FUT8: variants seen among roughly 807,000 people sequenced by gnomAD.
FUT8 encodes the protein alpha-(1,6)-fucosyltransferase.
In FUT8, 29 loss-of-function variants were observed where a neutral mutation model predicts 71.3. That is an observed-to-expected ratio of 0.41 (90% CI 0.30 to 0.55). The LOEUF is 0.55. Ranked by LOEUF, FUT8 falls within the 20% of genes least tolerant of loss-of-function variation. The pLI is 0.34. For synonymous variants in FUT8, 254 were observed against 239.3 expected (o/e 1.06, Z -0.57); for missense variants, 544 against 702.1 (o/e 0.77, Z 2.55).
Position 65,412,893 on chromosome 14 carries a change from C to T in FUT8, c.-647C>T, listed in dbSNP as rs369147598. ...CCCCCGCCGCCTGGCCCCAGCCGAC[C>T]CGTCCCTTCGTCTCCCCGCGGAATG... On this transcript the variant is annotated 5_prime_UTR_variant, in exon 1 of 11. Coordinates refer to ENST00000673929, the MANE Select transcript of FUT8 (RefSeq NM_001371533.1). 38 of 157,382 alleles carry T rather than the reference C, an allele frequency of 2.4e-4. No homozygotes were observed. In the South Asian group the frequency reaches 5.0e-3, roughly 21 times the overall value. The allele number at this position is 157,382 out of a possible 1,614,324, so 9.7% of individuals were successfully genotyped here. A position where few individuals can be genotyped will look rare whatever the true frequency, so the allele number is the denominator to read the frequency against.
At chr14:65,709,494 G>T (rs533975093) in intron 7 of FUT8, among the ~76,000 whole-genome samples, 7 of 152,260 alleles carry the variant, frequency 4.6e-5, no homozygotes, top group South Asian at 2.1e-4. Flanking sequence ...TTGGTATTAA[G>T]ATATCTTTAA....
intron 3 of FUT8, among the ~76,000 whole-genome samples, chr14:65,590,402 T>C (rs1033935029): frequency 2.0e-5 from 3 of 152,200 alleles, no homozygotes; most frequent in African/African-American, 7.2e-5. Flanking sequence ...CCAAACATCT[T>C]GACTTAACCT....
chr14:65,721,781 T>C lies in FUT8; in HGVS notation c.842T>C (p.Val281Ala), dbSNP rs1425278388. 1.2e-6 allele frequency: 2 copies of C among 1,614,026 alleles called. No individual in the cohort carries two copies. Among genetic ancestry groups the C allele is most frequent in the African/African-American group, 1.3e-5 (1 of 74,938 alleles). ...GISTGHWSGE[V>A]KDKNVQVVEL... Reference sequence around the variant, plus strand: ...TATGTTTCAATATTGTCAGGTGAAGTGAAGGACAAAAATGTTCAAGTGGTC... The same window carrying C: ...TATGTTTCAATATTGTCAGGTGAAGCGAAGGACAAAAATGTTCAAGTGGTC... Residue 281 changes from valine (V) to alanine (A), a missense_variant, in exon 8 of 11, where the codon GTG becomes GCG. By Grantham distance (64) the Val-to-Ala change is moderately conservative. Transcript: ENST00000673929.
chr14:65,477,919 C>G (rs919944592), intron 2 of FUT8, among the ~76,000 whole-genome samples: 4 of 151,282 alleles, frequency 2.6e-5, no homozygotes, highest in Non-Finnish European at 5.9e-5. Flanking sequence ...ATGGTTTAAA[C>G]GTTACGAGGC....
intron 1 of FUT8, among the ~76,000 whole-genome samples, chr14:65,425,064 G>A (rs1213246329): frequency 2.6e-5 from 4 of 152,040 alleles, no homozygotes; most frequent in African/African-American, 4.8e-5. Context: ...AAAAACATTA[G>A]CATATGAGTG....
At chr14:65,398,536 C>T in the FUT8 span, among the ~76,000 whole-genome samples, 5 of 151,996 alleles carry the variant, frequency 3.3e-5, no homozygotes, top group Non-Finnish European at 5.9e-5. Flanking sequence ...GAGATCAAGA[C>T]GATTCTGGCC....
chr14:65,459,186 A>G (rs1381297101), intron 2 of FUT8, among the ~76,000 whole-genome samples: 2 of 152,176 alleles, frequency 1.3e-5, no homozygotes, highest in Non-Finnish European at 2.9e-5. Flanking sequence ...ACGGGCAAAT[A>G]CAACACAGAG....
chr14:65,565,146 C>T (rs992035276), intron 3 of FUT8, among the ~76,000 whole-genome samples: 2 of 151,852 alleles, frequency 1.3e-5, no homozygotes, highest in South Asian at 2.1e-4. Flanking sequence ...AGACAGAAAC[C>T]GAGGAAGCCA....
the FUT8 span, among the ~76,000 whole-genome samples, chr14:65,392,327 C>T: frequency 1.1e-4 from 17 of 152,120 alleles, no homozygotes; most frequent in African/African-American, 3.9e-4. Flanking sequence ...TGTCTGATAC[C>T]CCTCAGGTAA....
At chr14:65,699,040 C>G (rs554854536) in intron 7 of FUT8, among the ~76,000 whole-genome samples, 2 of 151,954 alleles carry the variant, frequency 1.3e-5, no homozygotes, top group South Asian at 2.1e-4. Flanking sequence ...AATGTCGGGA[C>G]CAGGGATACT....
the FUT8 span, among the ~76,000 whole-genome samples, chr14:65,358,071 T>C: frequency 1.3e-5 from 2 of 152,116 alleles, no homozygotes; most frequent in Non-Finnish European, 2.9e-5. Context: ...GAGAGGTTGG[T>C]CAACAGGTAA....
chr14:65,501,625 T>C (rs1427376460), intron 2 of FUT8, among the ~76,000 whole-genome samples: 2 of 152,194 alleles, frequency 1.3e-5, no homozygotes, highest in Non-Finnish European at 2.9e-5. Flanking sequence ...AAAAGTAGTT[T>C]TCAGAGTTTT....
At chr14:65,619,748 C>A (rs1889501252) in intron 5 of FUT8, among the ~76,000 whole-genome samples, 1 of 152,150 alleles carries the variant, frequency 6.6e-6, no homozygotes. Flanking sequence ...CACTAGATTT[C>A]TAAATGATGA....
At chr14:65,476,637 ATTTTTTTTTTTTTTTTTTTT>A (rs200882761) in intron 2 of FUT8, among the ~76,000 whole-genome samples, 63 of 125,060 alleles carry the variant, frequency 5.0e-4, no homozygotes, top group South Asian at 2.4e-3. Context: ...AAAGAAGTAG[ATTTTTTTTTTTTTTTTTTTT>A]TTTTTTTTTT....
At chr14:65,703,443 C>T (rs1407274166) in intron 7 of FUT8, among the ~76,000 whole-genome samples, 1 of 152,130 alleles carries the variant, frequency 6.6e-6, no homozygotes, top group Non-Finnish European at 1.5e-5. Flanking sequence ...TGAGTAATAC[C>T]TTTACACTAT....
Position 65,560,620 on chromosome 14 carries a change from A to G in FUT8, c.-227-717A>G, listed in dbSNP as rs80230781. 5.8e-3 allele frequency among the ~76,000 whole-genome samples: 880 copies of G among 152,332 alleles called. 31 individuals carry two copies. The East Asian group carries it at 0.094, about 16-fold the overall frequency. On this transcript the variant is annotated intron_variant, in intron 2 of 10. Transcript: ENST00000673929. ...TAACCAAGCCTGGAAAAGAATGTGC[A>G]TTTGTAGTTTAAGATGCACAGTAAC...
intron 7 of FUT8, among the ~76,000 whole-genome samples, chr14:65,677,151 T>TGTGTGTGCGTGCGCGCGC: frequency 9.0e-6 from 1 of 110,702 alleles, no homozygotes; most frequent in South Asian, 3.0e-4. Context: ...TGTGTGTGTG[T>TGTGTGTGCGTGCGCGCGC]GCGCGCGCGC....
At chr14:65,454,773 C>T (rs1445244916) in intron 1 of FUT8, among the ~76,000 whole-genome samples, 1 of 152,184 alleles carries the variant, frequency 6.6e-6, no homozygotes, top group Non-Finnish European at 1.5e-5. Context: ...GCGCATACTA[C>T]ACACTCAGTG....
At chr14:65,650,852 G>A (rs1001857804) in intron 6 of FUT8, among the ~76,000 whole-genome samples, 1 of 152,068 alleles carries the variant, frequency 6.6e-6, no homozygotes, top group Non-Finnish European at 1.5e-5. Flanking sequence ...GGACAGAGAG[G>A]GGGGAAAAAA....
Sources: allele counts gnomAD v4.1 joint callset (sites outside exome capture counted in the v4.1 genomes callset), GRCh38; gene constraint gnomAD v4.1.1; transcripts MANE v1.5; gene names NCBI Gene and HGNC (gene_info 2026-07-23, HGNC 2026-07-21).